The following CRACD variants were observed in gnomAD, a reference collection of about 807,000 sequenced individuals.
The protein encoded by CRACD is capping protein-inhibiting regulator of actin dynamics.
A neutral mutation model predicts 106.8 loss-of-function variants in CRACD; 56 were observed. That is an observed-to-expected ratio of 0.52 (90% confidence interval 0.42 to 0.66). The LOEUF (loss-of-function observed/expected upper bound fraction) is 0.66. Ranked by LOEUF, CRACD falls within the 30% of genes least tolerant of loss-of-function variation. The pLI is 0.00. For missense variants in CRACD, 1,730 were observed against 1,623.2 expected (o/e 1.07, Z -1.13); for synonymous variants, 754 against 670.8 (o/e 1.12, Z -1.92).
In CRACD at chr4:56,328,430, A is replaced by C; in HGVS notation, c.*626A>C. The C allele has an allele frequency of 3.9e-6, 2 of 518,262 alleles. No homozygotes were observed. The highest frequency in any genetic ancestry group is 7.7e-6 in the Non-Finnish European group (2 of 259,562). The allele number at this position is 518,262 out of a possible 1,614,324, so 32.1% of individuals were successfully genotyped here. On this transcript the variant is annotated 3_prime_UTR_variant, in exon 11 of 11. Coordinates refer to ENST00000682029, the MANE Select transcript of CRACD (RefSeq NM_001393381.1). ...GCACATCCATTCACATTTTTACCGC[A>C]CTGTGGATTCATAGTGTGGGGCCCT...
At position 56,093,081 on chromosome 4, in the gene CRACD, T is replaced by C. The variant is rs1030830916; in HGVS notation, c.-336+43782T>C. On this transcript the variant is annotated intron_variant, in intron 1 of 10. Coordinates refer to ENST00000682029, the MANE Select transcript of CRACD (RefSeq NM_001393381.1). ...TCCACTACTTACTGGAGTTTTTTCA[T>C]AGTTTCTGTGCTTGTTTGTTTTTCT... 2.6e-5 allele frequency among the ~76,000 whole-genome samples: 4 copies of C among 152,196 alleles called. No individual in the cohort carries two copies. The East Asian group carries it at 7.7e-4, about 29-fold the overall frequency.
intron 1 of CRACD, among the ~76,000 whole-genome samples, chr4:56,150,512 C>T (rs956198847): frequency 4.6e-5 from 7 of 152,128 alleles, no homozygotes; most frequent in South Asian, 2.1e-4. Flanking sequence ...TGCCAGCATC[C>T]GGAAACAACA....
chr4:56,252,489 C>T (rs1741112517), intron 2 of CRACD, among the ~76,000 whole-genome samples: 1 of 152,184 alleles, frequency 6.6e-6, no homozygotes, highest in Non-Finnish European at 1.5e-5. Context: ...AATTTCTGTG[C>T]TGTGCCAGTG....
At chr4:56,283,395 G>A (rs1054976044) in intron 3 of CRACD, among the ~76,000 whole-genome samples, 2 of 152,144 alleles carry the variant, frequency 1.3e-5, no homozygotes, top group Non-Finnish European at 2.9e-5. Context: ...TCAAGTCAAG[G>A]TGACTCCCTG....
Position 56,058,011 on chromosome 4 carries a change from G to A in CRACD, c.-336+8712G>A, listed in dbSNP as rs181105060. The stretch of plus-strand genomic sequence containing the variant: ...TTTTTTGTATTTTTTTAGTAGAGAC[G>A]GGGTTTCATCATGTTGGCCAGGCTG... On this transcript the variant is annotated intron_variant, in intron 1 of 10. Transcript: ENST00000682029. Among the ~76,000 whole-genome samples the A allele has an allele frequency of 2.0e-5, 3 of 148,504 alleles. 1 individual carries two copies. The highest frequency in any genetic ancestry group is 6.7e-5 in the Admixed American group (1 of 14,982).
intron 2 of CRACD, among the ~76,000 whole-genome samples, chr4:56,223,040 TAA>T (rs36000908): frequency 1.3e-4 from 17 of 135,718 alleles, no homozygotes; most frequent in South Asian, 4.6e-4. Flanking sequence ...CCAGTAAACT[TAA>T]AAAAAAAAAA....
intron 1 of CRACD, among the ~76,000 whole-genome samples, chr4:56,079,065 C>T (rs1236495764): frequency 1.3e-5 from 2 of 152,172 alleles, no homozygotes; most frequent in African/African-American, 4.8e-5. Context: ...GTTCAGGAAA[C>T]GAAGTCTGCA....
chr4:56,128,140 G>T (rs928883602), intron 1 of CRACD, among the ~76,000 whole-genome samples: 6 of 152,076 alleles, frequency 3.9e-5, no homozygotes, highest in African/African-American at 1.4e-4. Context: ...AATGTGTGTG[G>T]GGGTGTGGTC....
intron 1 of CRACD, among the ~76,000 whole-genome samples, chr4:56,086,582 C>T (rs1343276159): frequency 2.6e-5 from 4 of 152,106 alleles, no homozygotes. Flanking sequence ...TTCACTTTCC[C>T]TTCACCTCTT....
At chr4:56,086,099 G>T (rs757064031) in intron 1 of CRACD, among the ~76,000 whole-genome samples, 29 of 152,238 alleles carry the variant, frequency 1.9e-4, no homozygotes, top group Non-Finnish European at 2.8e-4. Flanking sequence ...AGATGGAGAC[G>T]TGACCTTTCA....
intron 1 of CRACD, among the ~76,000 whole-genome samples, chr4:56,106,677 A>T (rs1733957400): frequency 1.3e-5 from 2 of 152,200 alleles, no homozygotes. Context: ...GGAAATCATT[A>T]TTCTTTTTCC....
At chr4:56,180,658 A>G (rs1736783188) in intron 2 of CRACD, among the ~76,000 whole-genome samples, 1 of 152,220 alleles carries the variant, frequency 6.6e-6, no homozygotes, top group African/African-American at 2.4e-5. Context: ...ACCTATCAAC[A>G]GTGACCTATT....
rs1473485273 is a variant in CRACD, at chr4:56,141,883, G to C, written c.-335-37401G>C. Among the ~76,000 whole-genome samples the C allele has an allele frequency of 3.3e-5, 5 of 151,148 alleles. No homozygotes were observed. In the East Asian group the frequency reaches 9.9e-4, roughly 30 times the overall value. On this transcript the variant is annotated intron_variant, in intron 1 of 10. Coordinates refer to ENST00000682029, the MANE Select transcript of CRACD (RefSeq NM_001393381.1). ...AGTTTAAAAAAAAATTATAGAGATG[G>C]GAGTCTCACTGTGTTGCCCAGGCTG...
At chr4:56,251,680 A>G (rs891831385) in intron 2 of CRACD, among the ~76,000 whole-genome samples, 1 of 152,222 alleles carries the variant, frequency 6.6e-6, no homozygotes, top group Non-Finnish European at 1.5e-5. Context: ...GATCAAAGCC[A>G]AAGTTGAGAT....
intron 1 of CRACD, among the ~76,000 whole-genome samples, chr4:56,150,674 A>G (rs1430803354): frequency 6.6e-6 from 1 of 152,238 alleles, no homozygotes; most frequent in Admixed American, 6.5e-5. Flanking sequence ...TCTTTCATTC[A>G]ACATTGCATT....
chr4:56,195,323 A>G (rs1737554284), intron 2 of CRACD, among the ~76,000 whole-genome samples: 1 of 152,180 alleles, frequency 6.6e-6, no homozygotes, highest in Admixed American at 6.5e-5. Context: ...AAAATATTGT[A>G]AGAAATAGCT....
chr4:56,214,288 T>G (rs1253859085), intron 2 of CRACD, among the ~76,000 whole-genome samples: 1 of 152,120 alleles, frequency 6.6e-6, no homozygotes, highest in Admixed American at 6.5e-5. Flanking sequence ...AACCTGCACA[T>G]GTATTTTTTT....
At chr4:56,153,496 C>T (rs1033133269) in intron 1 of CRACD, among the ~76,000 whole-genome samples, 4 of 152,118 alleles carry the variant, frequency 2.6e-5, no homozygotes, top group Admixed American at 6.5e-5. Flanking sequence ...ACGCTTCTCT[C>T]CAAATCCTCT....
chr4:56,307,801 GC>G (rs1744839549), intron 5 of CRACD, 102 bp downstream of exon 5: 6 of 1,208,498 alleles, frequency 5.0e-6, no homozygotes, highest in Non-Finnish European at 5.9e-6. Flanking sequence ...AGAGGGAGGA[GC>G]TTTTCTCATG....
Sources: allele counts gnomAD v4.1 joint callset (sites outside exome capture counted in the v4.1 genomes callset), GRCh38; gene constraint gnomAD v4.1.1; transcripts MANE v1.5; gene names NCBI Gene and HGNC (gene_info 2026-07-23, HGNC 2026-07-21).